Variants in L3MBTL4 observed in about 807,000 individuals in gnomAD.
The protein encoded by L3MBTL4 is L3MBTL histone methyl-lysine binding protein 4.
L3MBTL4 carries 70 observed loss-of-function variants against 84.5 expected under a neutral mutation model. The observed-to-expected ratio is 0.83, with a 90% CI of 0.68 to 1.01. The LOEUF is 1.01. Ranked by LOEUF, L3MBTL4 falls within the 50% of genes least tolerant of loss-of-function variation. The pLI is 0.00. For missense variants in L3MBTL4, 715 were observed against 754.8 expected (o/e 0.95, Z 0.62); for synonymous variants, 274 against 259.8 (o/e 1.05, Z -0.52).
At chr18:6,386,413 T>C (rs1419144096) in intron 1 of L3MBTL4, among the ~76,000 whole-genome samples, 2 of 151,874 alleles carry the variant, frequency 1.3e-5, no homozygotes, top group Non-Finnish European at 1.5e-5. Context: ...TTTTCATGCA[T>C]TCGCCAACTA....
At chr18:5,968,903 A>G (rs1170488635) in intron 17 of L3MBTL4, among the ~76,000 whole-genome samples, 1 of 152,184 alleles carries the variant, frequency 6.6e-6, no homozygotes, top group Non-Finnish European at 1.5e-5. Context: ...GCAAACCTGC[A>G]GCAGGGGCCT....
chr18:5,956,470 G>A, intron 18 of L3MBTL4, 83 bp from the exon 19 acceptor site: 1 of 1,334,842 alleles, frequency 7.5e-7, no homozygotes, highest in Non-Finnish European at 1.0e-6. Context: ...GGTTCTGAGT[G>A]TGATGTGGAA....
At chr18:6,239,421 C>T (rs868776721) in intron 9 of L3MBTL4, among the ~76,000 whole-genome samples, 1 of 147,906 alleles carries the variant, frequency 6.8e-6, no homozygotes, top group African/African-American at 2.5e-5. Context: ...AAGTTTTTAG[C>T]TTCCTCTTCA....
intron 14 of L3MBTL4, among the ~76,000 whole-genome samples, chr18:6,120,002 G>A (rs1166527752): frequency 6.6e-6 from 1 of 152,138 alleles, no homozygotes; most frequent in Non-Finnish European, 1.5e-5. Flanking sequence ...ACTCTGTTCT[G>A]TTCACTCATT....
intron 12 of L3MBTL4, among the ~76,000 whole-genome samples, chr18:6,193,058 G>A (rs190664545): frequency 3.9e-5 from 6 of 152,046 alleles, no homozygotes; most frequent in Non-Finnish European, 5.9e-5. Flanking sequence ...AAAAGATGGC[G>A]GTGGTCAGAA....
At chr18:6,124,609 C>T (rs1291613244) in intron 14 of L3MBTL4, among the ~76,000 whole-genome samples, 2 of 151,998 alleles carry the variant, frequency 1.3e-5, no homozygotes, top group African/African-American at 4.8e-5. Flanking sequence ...GCTTAAACAC[C>T]TGTCTCCCAT....
intron 1 of L3MBTL4, among the ~76,000 whole-genome samples, chr18:6,343,907 T>A (rs1343619233): frequency 2.0e-5 from 3 of 149,590 alleles, no homozygotes; most frequent in African/African-American, 7.4e-5. Flanking sequence ...GCAAAAGCAG[T>A]GCTAAAAGTT....
At chr18:6,041,369 T>A (rs1407466301) in intron 16 of L3MBTL4, among the ~76,000 whole-genome samples, 1 of 152,136 alleles carries the variant, frequency 6.6e-6, no homozygotes, top group South Asian at 2.1e-4. Flanking sequence ...TGAGCACCCA[T>A]TGGGGTCTTC....
intron 15 of L3MBTL4, among the ~76,000 whole-genome samples, chr18:6,088,492 T>C (rs906758743): frequency 2.0e-5 from 3 of 151,568 alleles, no homozygotes; most frequent in African/African-American, 7.3e-5. Context: ...CAGGAGTAAA[T>C]GAGGTACCAA....
chr18:5,986,264 TG>T (rs1197895624), intron 16 of L3MBTL4, among the ~76,000 whole-genome samples: 1 of 152,206 alleles, frequency 6.6e-6, no homozygotes, highest in Non-Finnish European at 1.5e-5. Flanking sequence ...CCAGTAGTCT[TG>T]TGAGATATTA....
chr18:6,075,035 A>G (rs918560003), intron 16 of L3MBTL4, among the ~76,000 whole-genome samples: 1 of 152,152 alleles, frequency 6.6e-6, no homozygotes, highest in African/African-American at 2.4e-5. Flanking sequence ...TCAAGCATCA[A>G]TTAGGTATTA....
intron 16 of L3MBTL4, chr18:6,029,442 T>A: frequency 1.0e-6 from 1 of 963,600 alleles, no homozygotes; most frequent in Non-Finnish European, 1.2e-6. Flanking sequence ...ATGAAAAAAA[T>A]TACAAATTAG....
chr18:6,097,087 T>C (rs531184467), intron 14 of L3MBTL4, among the ~76,000 whole-genome samples: 1 of 152,336 alleles, frequency 6.6e-6, no homozygotes, highest in Non-Finnish European at 1.5e-5. Flanking sequence ...AGTTTTTAAA[T>C]GTCAAAGACA....
chr18:6,318,791 A>AAG, intron 1 of L3MBTL4, among the ~76,000 whole-genome samples: 1 of 152,138 alleles, frequency 6.6e-6, no homozygotes, highest in Non-Finnish European at 1.5e-5. Context: ...GCTAACATAT[A>AAG]TTTATAGAAC....
intron 5 of L3MBTL4, among the ~76,000 whole-genome samples, chr18:6,262,336 C>CT (rs1231017403): frequency 3.3e-5 from 5 of 152,140 alleles, no homozygotes; most frequent in African/African-American, 9.7e-5. Flanking sequence ...AAGAGTTTCC[C>CT]TAGAAGTCAC....
intron 14 of L3MBTL4, among the ~76,000 whole-genome samples, chr18:6,120,635 A>G (rs2059494075): frequency 6.6e-6 from 1 of 151,972 alleles, no homozygotes; most frequent in South Asian, 2.1e-4. Flanking sequence ...TCTTCCAGTC[A>G]CTCCCTGTAG....
chr18:6,040,185 C>CA (rs1164931391), intron 16 of L3MBTL4, among the ~76,000 whole-genome samples: 1 of 151,834 alleles, frequency 6.6e-6, no homozygotes, highest in Admixed American at 6.6e-5. Flanking sequence ...TTTTCCTGTG[C>CA]AAATAAATAA....
chr18:6,345,818 A>G (rs980763907), intron 1 of L3MBTL4, among the ~76,000 whole-genome samples: 3 of 152,126 alleles, frequency 2.0e-5, no homozygotes, highest in Non-Finnish European at 1.5e-5. Flanking sequence ...AAATAGGAAA[A>G]ACTATCCTAA....
At chr18:6,086,230 G>A (rs28664158) in intron 15 of L3MBTL4, among the ~76,000 whole-genome samples, 2,569 of 152,168 alleles carry the variant, frequency 0.017, 72 homozygotes, top group African/African-American at 0.059. Context: ...TGGTGCTCAG[G>A]CTGCAAGGTT....
Sources: allele counts gnomAD v4.1 joint callset (sites outside exome capture counted in the v4.1 genomes callset), GRCh38; gene constraint gnomAD v4.1.1; transcripts MANE v1.5; gene names NCBI Gene and HGNC (gene_info 2026-07-23, HGNC 2026-07-21).